Variants in SLC38A1 observed in about 807,000 individuals in gnomAD.
The protein encoded by SLC38A1 is solute carrier family 38 member 1.
SLC38A1 carries 18 observed loss-of-function variants against 60.3 expected under a neutral mutation model. The ratio of observed to expected loss-of-function variants is 0.30; its 90% confidence interval spans 0.21 to 0.44. The LOEUF (loss-of-function observed/expected upper bound fraction) is 0.44, where lower values mean the gene tolerates loss of function less well. Ranked by LOEUF, SLC38A1 falls within the 20% of genes least tolerant of loss-of-function variation. The pLI, the probability that SLC38A1 is intolerant of heterozygous loss-of-function variation, is 1.00. For synonymous variants in SLC38A1, 196 were observed against 212.1 expected, an observed-to-expected ratio of 0.92 and a Z score of 0.66; for missense variants, 448 against 587.2, an observed-to-expected ratio of 0.76 and a Z score of 2.45.
At chr12:46,244,998 T>C (rs1031871077) in intron 1 of SLC38A1, among the ~76,000 whole-genome samples, 1 of 152,220 alleles carries the variant, frequency 6.6e-6, no homozygotes, top group Non-Finnish European at 1.5e-5. Context: ...TGTTAGATTT[T>C]TTTATGCCCA....
At chr12:46,197,863 A>C in intron 15 of SLC38A1, 46 bp from the exon 16 acceptor site, 1 of 1,605,032 alleles carries the variant, frequency 6.2e-7, no homozygotes, top group Non-Finnish European at 8.5e-7. Context: ...CTATTGTGAA[A>C]ATTTCCCTGC....
chr12:46,249,505 T>C (rs1941756846), intron 1 of SLC38A1, among the ~76,000 whole-genome samples: 3 of 151,890 alleles, frequency 2.0e-5, no homozygotes, highest in Admixed American at 1.3e-4. Flanking sequence ...TTGAAGGAGA[T>C]AGAGATACAA....
chr12:46,239,595 G>A (rs1009200427), intron 3 of SLC38A1, 84 bp downstream of exon 3: 8 of 1,486,720 alleles, frequency 5.4e-6, no homozygotes, highest in Non-Finnish European at 5.6e-6. Context: ...CACCCACCTC[G>A]GCCTCCCAAA....
At chr12:46,198,565 C>A (rs1016768380) in intron 14 of SLC38A1, 60 bp downstream of exon 14, 3 of 1,180,848 alleles carry the variant, frequency 2.5e-6, no homozygotes, top group Non-Finnish European at 3.6e-6. Context: ...CGGGCTCCTG[C>A]AGGCAGAAGG....
At chr12:46,212,411 T>C (rs1208780001) in intron 5 of SLC38A1, among the ~76,000 whole-genome samples, 1 of 152,158 alleles carries the variant, frequency 6.6e-6, no homozygotes, top group Non-Finnish European at 1.5e-5. Flanking sequence ...AACTGGTTGC[T>C]AAAAAAGGCG....
intron 16 of SLC38A1, among the ~76,000 whole-genome samples, chr12:46,195,209 TG>T (rs1939313067): frequency 6.6e-6 from 1 of 152,196 alleles, no homozygotes; most frequent in Admixed American, 6.5e-5. Context: ...GCTGCAGGTT[TG>T]TTGGAGTTTG....
intron 1 of SLC38A1, among the ~76,000 whole-genome samples, chr12:46,253,582 C>A (rs1487036603): frequency 6.6e-6 from 1 of 152,190 alleles, no homozygotes; most frequent in Non-Finnish European, 1.5e-5. Flanking sequence ...AGCTTCTTTA[C>A]TGCAACCTGT....
At chr12:46,262,389 A>C (rs1942225420) in intron 1 of SLC38A1, among the ~76,000 whole-genome samples, 1 of 152,100 alleles carries the variant, frequency 6.6e-6, no homozygotes, top group Non-Finnish European at 1.5e-5. Context: ...AAAAAAAAAC[A>C]CCAAAAGAAT....
Position 46,183,178 on chromosome 12 carries a change from A to G in SLC38A1, c.*5792T>C, listed in dbSNP as rs979577013. ...ACTCTGAAAAAAAAAACCCAGTTCT[A>G]TTTGATTAACTATGAATAGCAAAGT... On this transcript the variant is annotated 3_prime_UTR_variant, in exon 17 of 17. Coordinates refer to ENST00000398637, the MANE Select transcript of SLC38A1 (RefSeq NM_030674.4). 4 of 152,450 alleles carry G rather than the reference A, an allele frequency of 2.6e-5. No individual in the cohort carries two copies. The highest frequency in any genetic ancestry group is 6.8e-3 in the Middle Eastern group (2 of 294). 9.4% of individuals were successfully genotyped at this position (152,450 alleles called of 1,614,324 possible).
intron 16 of SLC38A1, among the ~76,000 whole-genome samples, chr12:46,194,010 T>C (rs1471277740): frequency 1.3e-5 from 2 of 152,232 alleles, no homozygotes; most frequent in African/African-American, 2.4e-5. Flanking sequence ...CGTTAATTGA[T>C]GCAGTTTTTT....
intron 1 of SLC38A1, among the ~76,000 whole-genome samples, chr12:46,248,485 C>A (rs976254082): frequency 6.6e-6 from 1 of 152,130 alleles, no homozygotes; most frequent in African/African-American, 2.4e-5. Flanking sequence ...AGCTAACTAT[C>A]CTAAATATAT....
chr12:46,191,172 C>A (rs1369107669), intron 16 of SLC38A1, among the ~76,000 whole-genome samples: 1 of 152,148 alleles, frequency 6.6e-6, no homozygotes. Context: ...TTTCTCAGCA[C>A]CATTTATTAA....
Position 46,249,145 on chromosome 12 carries a change from G to T in SLC38A1, c.-208-5831C>A, listed in dbSNP as rs545426818. On this transcript the variant is annotated intron_variant, in intron 1 of 16. Coordinates refer to ENST00000398637, the MANE Select transcript of SLC38A1 (RefSeq NM_030674.4). ...CACTCCAGACAGGGTGATAGAGTGAGACTCCGCCTCAAAAAAAAAAAAAAA... is the reference window on the plus strand; with the variant it reads ...CACTCCAGACAGGGTGATAGAGTGATACTCCGCCTCAAAAAAAAAAAAAAA... 2.4e-3 allele frequency among the ~76,000 whole-genome samples: 199 copies of T among 81,590 alleles called. 1 individual carries two copies. The highest frequency in any genetic ancestry group is 3.7e-3 in the Non-Finnish European group (160 of 43,346). 53.5% of individuals were successfully genotyped at this position (81,590 alleles called of 152,430 possible).
At chr12:46,253,014 G>C (rs1156898431) in intron 1 of SLC38A1, among the ~76,000 whole-genome samples, 1 of 107,734 alleles carries the variant, frequency 9.3e-6, no homozygotes, top group Non-Finnish European at 2.0e-5. Flanking sequence ...AAAAAAAAAA[G>C]TCTGATACAC....
intron 12 of SLC38A1, among the ~76,000 whole-genome samples, chr12:46,202,191 C>CA (rs766799734): frequency 2.9e-3 from 198 of 68,540 alleles, no homozygotes; most frequent in Middle Eastern, 7.7e-3. Context: ...GACTCTGTCT[C>CA]AAAAAAAAAA....
chr12:46,189,048 C>T lies in SLC38A1; in HGVS notation c.1386G>A (p.Gly462=). 6.2e-7 allele frequency: 1 copy of T among 1,613,544 alleles called. No homozygotes were observed. The highest frequency in any genetic ancestry group is 1.7e-5 in the Admixed American group (1 of 59,968). Residue 462 remains glycine, a synonymous_variant, in exon 17 of 17, where the codon GGG becomes GGA. Coordinates refer to ENST00000398637, the MANE Select transcript of SLC38A1 (RefSeq NM_030674.4). Reference sequence around the variant, plus strand: ...GAATGCTGACCAAGGAGAACAACACCCCCAGGCCCAAGAAAAGGGCAGCCT... The same window carrying T: ...GAATGCTGACCAAGGAGAACAACACTCCCAGGCCCAAGAAAAGGGCAGCCT... ...RIWAALFLGL[G]VLFSLVSIPL... is the part of the protein sequence containing the mutation.
intron 3 of SLC38A1, among the ~76,000 whole-genome samples, chr12:46,233,294 G>C (rs1274125424): frequency 6.6e-6 from 1 of 152,114 alleles, no homozygotes; most frequent in Non-Finnish European, 1.5e-5. Context: ...AAAGTACTGG[G>C]ATTACAGGTG....
intron 1 of SLC38A1, among the ~76,000 whole-genome samples, chr12:46,265,487 C>T (rs139874773): frequency 2.6e-4 from 40 of 152,256 alleles, no homozygotes; most frequent in African/African-American, 8.7e-4. Context: ...GAATCCAATC[C>T]ACACAGATAT....
chr12:46,267,119 C>T (rs1942375704), intron 1 of SLC38A1: 1 of 152,230 alleles, frequency 6.6e-6, no homozygotes, highest in African/African-American at 2.4e-5. Flanking sequence ...TCGCTGGGCC[C>T]TGCATTCTGC....
Sources: gnomAD v4.1 joint callset for allele counts (sites outside exome capture counted in the v4.1 genomes callset) on GRCh38, gnomAD v4.1.1 for gene constraint, MANE v1.5 for transcripts, NCBI Gene and HGNC (gene_info 2026-07-23, HGNC 2026-07-21) for gene names.